FAM133B: variants seen among roughly 807,000 people sequenced by gnomAD.
FAM133B encodes the protein protein FAM133B.
A neutral mutation model predicts 46.4 loss-of-function variants in FAM133B; 25 were observed. That is an observed-to-expected ratio of 0.54 (90% confidence interval 0.39 to 0.75). FAM133B has a LOEUF of 0.75. Among genes scored for constraint, FAM133B ranks in the 30% least tolerant of loss-of-function variants. FAM133B has a pLI of 0.00. For missense variants in FAM133B, 205 were observed against 277.6 expected, an observed-to-expected ratio of 0.74 and a Z score of 1.86; for synonymous variants, 75 against 86.0, an observed-to-expected ratio of 0.87 and a Z score of 0.71.
At chr7:92,575,334 C>G (rs1234946186) in intron 8 of FAM133B, among the ~76,000 whole-genome samples, 1 of 152,012 alleles carries the variant, frequency 6.6e-6, no homozygotes, top group Non-Finnish European at 1.5e-5. Context: ...ATCAGCTGGG[C>G]GTGGTGACAC....
At chr7:92,572,968 A>G (rs1404482147) in intron 8 of FAM133B, among the ~76,000 whole-genome samples, 1 of 152,186 alleles carries the variant, frequency 6.6e-6, no homozygotes, top group East Asian at 1.9e-4. Context: ...AGAAGGAAAC[A>G]CAATGTTACC....
At chr7:92,563,621 C>G (rs1794225046) in intron 10 of FAM133B, among the ~76,000 whole-genome samples, 1 of 152,182 alleles carries the variant, frequency 6.6e-6, no homozygotes. Flanking sequence ...TTCAGTCCTA[C>G]TCTTTGACCT....
At chr7:92,568,341 T>C (rs1794426643) in intron 9 of FAM133B, among the ~76,000 whole-genome samples, 1 of 152,088 alleles carries the variant, frequency 6.6e-6, no homozygotes, top group Admixed American at 6.5e-5. Context: ...TAAGATTCTA[T>C]GTCTTCTGGT....
chr7:92,581,703 C>A, intron 1 of FAM133B, 100 bp from the exon 2 acceptor site: 2 of 864,044 alleles, frequency 2.3e-6, no homozygotes, highest in Non-Finnish European at 1.9e-6. Context: ...CATAATATAT[C>A]CAGCTAAGTA....
chr7:92,574,020 T>TA (rs1299462376), intron 8 of FAM133B, among the ~76,000 whole-genome samples: 3 of 152,040 alleles, frequency 2.0e-5, no homozygotes, highest in African/African-American at 7.2e-5. Flanking sequence ...TAAAATTAAT[T>TA]AAAAAAAATT....
chr7:92,590,235 G>A, intron 1 of FAM133B, 33 bp downstream of exon 1: 1 of 1,613,566 alleles, frequency 6.2e-7, no homozygotes. Context: ...CGGGCCCTGC[G>A]TCGCCCCACT....
At chr7:92,589,840 CGCA>C (rs1384956399) in intron 1 of FAM133B, 1 of 170,114 alleles carries the variant, frequency 5.9e-6, no homozygotes, top group African/African-American at 2.4e-5. Flanking sequence ...CACTTGGGTG[CGCA>C]GGAGAGGGGT....
intron 8 of FAM133B, among the ~76,000 whole-genome samples, chr7:92,571,811 T>C (rs1166475786): frequency 1.3e-5 from 2 of 152,236 alleles, no homozygotes; most frequent in Non-Finnish European, 2.9e-5. Context: ...TGTTTTAATA[T>C]CCAGTACGGC....
intron 10 of FAM133B, chr7:92,565,513 G>A (rs1270371158): frequency 1.3e-5 from 2 of 153,516 alleles, no homozygotes; most frequent in African/African-American, 2.4e-5. Flanking sequence ...GCCCAGGCTG[G>A]AGTGCAGTGG....
intron 8 of FAM133B, among the ~76,000 whole-genome samples, chr7:92,571,537 A>G (rs1033445816): frequency 2.6e-5 from 4 of 152,028 alleles, no homozygotes; most frequent in African/African-American, 9.7e-5. Flanking sequence ...AGCCTTCCCC[A>G]CCCCAGTACT....
At chr7:92,565,969 A>G (rs1277378085) in intron 10 of FAM133B, 45 bp downstream of exon 10, 1 of 1,598,034 alleles carries the variant, frequency 6.3e-7, no homozygotes, top group Non-Finnish European at 8.6e-7. Flanking sequence ...ATATTAAACC[A>G]AAACACCTAT....
chr7:92,578,130 A>T lies in FAM133B; in HGVS notation c.309+20T>A. 2 of 1,601,578 alleles carry T rather than the reference A, an allele frequency of 1.2e-6. No individual in the cohort carries two copies. Among genetic ancestry groups the T allele is most frequent in the Non-Finnish European group, 1.7e-6 (2 of 1,173,456 alleles). On this transcript the variant is annotated intron_variant, in intron 5 of 10. Coordinates refer to ENST00000445716, the MANE Select transcript of FAM133B (RefSeq NM_152789.4). ...GGCTCTTAATTGTAACGTTTAGAAA[A>T]ATGGAAAATTTTTGCTCACCCTACC...
chr7:92,576,653 C>T (rs558110756), intron 7 of FAM133B, among the ~76,000 whole-genome samples: 6 of 152,226 alleles, frequency 3.9e-5, no homozygotes, highest in South Asian at 2.1e-4. Flanking sequence ...CACTTTTTTC[C>T]GAGAACTTCT....
intron 5 of FAM133B, 45 bp from the exon 6 acceptor site, chr7:92,577,762 G>C: frequency 1.3e-6 from 2 of 1,486,056 alleles, no homozygotes; most frequent in Non-Finnish European, 1.8e-6. Flanking sequence ...ATGCGAGAAT[G>C]TTTTTCTTTT....
chr7:92,569,963 A>G, intron 8 of FAM133B, 48 bp from the exon 9 acceptor site: 2 of 843,764 alleles, frequency 2.4e-6, no homozygotes, highest in African/African-American at 3.6e-5. Context: ...ACTTTGTCAC[A>G]CACATTTTAT....
intron 1 of FAM133B, among the ~76,000 whole-genome samples, chr7:92,582,041 G>A (rs1419181249): frequency 2.6e-5 from 4 of 152,120 alleles, no homozygotes; most frequent in Non-Finnish European, 4.4e-5. Flanking sequence ...CTGAAGTCAG[G>A]AATTCAAGAC....
chr7:92,578,028 C>G, intron 5 of FAM133B, 122 bp downstream of exon 5: 1 of 868,950 alleles, frequency 1.2e-6, no homozygotes, highest in Non-Finnish European at 1.8e-6. Flanking sequence ...CAAAGAACCT[C>G]TAAGTTCCTT....
At chr7:92,581,371 C>A (rs1794864229) in intron 2 of FAM133B, 135 bp downstream of exon 2, 2 of 681,862 alleles carry the variant, frequency 2.9e-6, no homozygotes, top group South Asian at 2.0e-5. Flanking sequence ...CAAAAGAAAG[C>A]ACATATCAAA....
At chr7:92,562,732 A>AT (rs1794198324) in intron 10 of FAM133B, among the ~76,000 whole-genome samples, 1 of 152,228 alleles carries the variant, frequency 6.6e-6, no homozygotes, top group Non-Finnish European at 1.5e-5. Flanking sequence ...AAATAAAAAC[A>AT]TAATTGTTTT....
Sources: gnomAD v4.1 joint callset for allele counts (sites outside exome capture counted in the v4.1 genomes callset) on GRCh38, gnomAD v4.1.1 for gene constraint, MANE v1.5 for transcripts, NCBI Gene and HGNC (gene_info 2026-07-23, HGNC 2026-07-21) for gene names.